MTHFD1L: variants seen among roughly 807,000 people sequenced by gnomAD.
MTHFD1L encodes the protein monofunctional C1-tetrahydrofolate synthase, mitochondrial.
In MTHFD1L, 81 loss-of-function variants were observed where a neutral mutation model predicts 119.5. The observed-to-expected ratio is 0.68, with a 90% CI of 0.57 to 0.82. MTHFD1L has a LOEUF of 0.82. Ranked by LOEUF, MTHFD1L falls within the 40% of genes least tolerant of loss-of-function variation. The pLI, the probability that MTHFD1L is intolerant of heterozygous loss-of-function variation, is 0.00. For synonymous variants in MTHFD1L, 430 were observed against 475.2 expected, an observed-to-expected ratio of 0.90 and a Z score of 1.24; for missense variants, 1,125 against 1,253.4, an observed-to-expected ratio of 0.90 and a Z score of 1.55.
intron 24 of MTHFD1L, among the ~76,000 whole-genome samples, chr6:151,018,318 G>T (rs1783444696): frequency 6.6e-6 from 1 of 152,174 alleles, no homozygotes; most frequent in Non-Finnish European, 1.5e-5. Flanking sequence ...TGAAGCAAGA[G>T]CTTAGCAGCG....
chr6:151,066,850 C>G (rs551137548), intron 26 of MTHFD1L, among the ~76,000 whole-genome samples: 81 of 152,234 alleles, frequency 5.3e-4, no homozygotes, highest in African/African-American at 1.9e-3. Flanking sequence ...AACTCCCAAC[C>G]TGGGTCCTGT....
At chr6:150,958,546 C>T (rs73017088) in intron 17 of MTHFD1L, among the ~76,000 whole-genome samples, 20,641 of 152,134 alleles carry the variant, frequency 0.14, 1,827 homozygotes, top group Middle Eastern at 0.28. Context: ...TTGCCAATAT[C>T]CCATATTGGC....
intron 26 of MTHFD1L, among the ~76,000 whole-genome samples, chr6:151,055,506 A>G (rs1024342970): frequency 2.0e-5 from 3 of 150,482 alleles, no homozygotes; most frequent in Non-Finnish European, 4.4e-5. Context: ...ATTATATACT[A>G]TGTTTGTGCT....
chr6:150,987,746 C>T (rs574947), intron 20 of MTHFD1L, among the ~76,000 whole-genome samples: 1,747 of 152,212 alleles, frequency 0.011, 18 homozygotes, highest in Non-Finnish European at 0.018. Context: ...ACAGGAAGTG[C>T]ACGTTTGTTA....
chr6:150,908,827 GT>G (rs35714005), intron 8 of MTHFD1L, among the ~76,000 whole-genome samples: 7,289 of 151,604 alleles, frequency 0.048, 605 homozygotes, highest in African/African-American at 0.17. Context: ...ATGGAGAAAG[GT>G]TTTTTTTCCC....
At chr6:150,980,574 G>A (rs1777317260) in intron 20 of MTHFD1L, among the ~76,000 whole-genome samples, 1 of 151,746 alleles carries the variant, frequency 6.6e-6, no homozygotes, top group Admixed American at 6.6e-5. Context: ...TAGTTTTTTT[G>A]TTTTTTTAAA....
chr6:150,885,656 A>C lies in MTHFD1L; in HGVS notation c.565A>C (p.Lys189Gln). The change falls in exon 6 of 28, where the codon AAG becomes CAG. Residue 189 changes from lysine (K) to glutamine (Q), a missense_variant. Physicochemically the swap from Lys to Gln is moderately conservative, Grantham distance 53 (BLOSUM62 1). Around this residue, in one of 3 missense-constraint regions of MTHFD1L, gnomAD observed 1,058 missense variants for 1,151.2 expected, o/e 0.92. Transcript: ENST00000367321. Reference sequence around the variant, plus strand: ...CAGAGTAACAGACATAAACCTGGGGAAGCTGGTGCGAGGGGATGCCCATGA... The same window carrying C: ...CAGAGTAACAGACATAAACCTGGGGCAGCTGGTGCGAGGGGATGCCCATGA... ...VDGVTDINLGKLVRGDAHECF... is the reference protein window; with the variant it reads ...VDGVTDINLGQLVRGDAHECF... The C allele has an allele frequency of 6.2e-7, 1 of 1,613,954 alleles. No individual in the cohort carries two copies. Among genetic ancestry groups the C allele is most frequent in the Non-Finnish European group, 8.5e-7 (1 of 1,179,914 alleles).
chr6:150,866,749 T>C (rs1427168860), intron 1 of MTHFD1L: 1 of 1,007,760 alleles, frequency 9.9e-7, no homozygotes. Context: ...GTTTGCAGGG[T>C]TTTCTGCGGG....
At chr6:151,038,411 AG>A (rs949688568) in intron 26 of MTHFD1L, among the ~76,000 whole-genome samples, 1 of 150,812 alleles carries the variant, frequency 6.6e-6, no homozygotes. Flanking sequence ...GAGTTGGATG[AG>A]GGGGGGTGGC....
chr6:150,915,709 G>A lies in MTHFD1L; in HGVS notation c.893-2868G>A, dbSNP rs576533430. ...TCTGGGTCCCGAGGTCAAGCAATTC[G>A]CTGGCCTCAGCCTCTGAGTAGGTGG... On this transcript the variant is annotated intron_variant, in intron 8 of 27. Transcript: ENST00000367321. Among the ~76,000 whole-genome samples, 9 of 152,074 alleles carry A rather than the reference G, an allele frequency of 5.9e-5. No individual in the cohort carries two copies. In the South Asian group the frequency reaches 1.2e-3, roughly 21 times the overall value.
intron 20 of MTHFD1L, among the ~76,000 whole-genome samples, chr6:150,974,822 C>A (rs532602509): frequency 6.6e-6 from 1 of 151,794 alleles, no homozygotes; most frequent in Non-Finnish European, 1.5e-5. Flanking sequence ...CTGCAACCTC[C>A]GCCTCCCAGG....
intron 24 of MTHFD1L, among the ~76,000 whole-genome samples, chr6:151,029,808 T>C (rs1376182843): frequency 1.3e-5 from 2 of 152,158 alleles, no homozygotes; most frequent in African/African-American, 4.8e-5. Flanking sequence ...AAAAATTTTT[T>C]TAAATAACAA....
chr6:150,943,845 C>T (rs1426844890), intron 13 of MTHFD1L, among the ~76,000 whole-genome samples: 4 of 152,124 alleles, frequency 2.6e-5, no homozygotes, highest in Non-Finnish European at 5.9e-5. Context: ...TACTCTATTT[C>T]TCCAAAGTTC....
chr6:150,957,589 G>A (rs1019117583), intron 17 of MTHFD1L, among the ~76,000 whole-genome samples: 1 of 152,102 alleles, frequency 6.6e-6, no homozygotes, highest in Non-Finnish European at 1.5e-5. Context: ...TATTTGCAGC[G>A]GTGAAAATTG....
chr6:151,045,352 C>G (rs1169664040), intron 26 of MTHFD1L, among the ~76,000 whole-genome samples: 1 of 152,192 alleles, frequency 6.6e-6, no homozygotes, highest in Non-Finnish European at 1.5e-5. Flanking sequence ...GCAGGTCCGC[C>G]AGGACCTCCG....
chr6:151,050,784 T>G (rs1434816110), intron 26 of MTHFD1L, among the ~76,000 whole-genome samples: 1 of 152,128 alleles, frequency 6.6e-6, no homozygotes, highest in Non-Finnish European at 1.5e-5. Context: ...ACTGTTGTGG[T>G]GCGACAGCAG....
intron 24 of MTHFD1L, among the ~76,000 whole-genome samples, chr6:151,028,095 C>T (rs2128517286): frequency 6.6e-6 from 1 of 152,242 alleles, no homozygotes; most frequent in Non-Finnish European, 1.5e-5. Flanking sequence ...GGGAAGCACA[C>T]AGCCCTGGGT....
In MTHFD1L at chr6:150,899,833, G is replaced by A. The variant is rs553816172; in HGVS notation, c.781-5817G>A. 2.8e-3 allele frequency among the ~76,000 whole-genome samples: 425 copies of A among 152,000 alleles called. 2 individuals carry two copies. The highest frequency in any genetic ancestry group is 1.0e-2 in the African/African-American group (413 of 41,506). On this transcript the variant is annotated intron_variant, in intron 7 of 27. Transcript: ENST00000367321. ...CTAAAAATACAAAAATTAGCTGGGT[G>A]TGGTGGCATGCGCCTGTAATCCTAG... is the stretch of plus-strand genomic sequence containing the variant.
rs965103105 is a variant in MTHFD1L at position 150,865,762 on chromosome 6, G to A, written c.-61G>A. 67 of 1,207,624 alleles carry A rather than the reference G, an allele frequency of 5.5e-5. No individual in the cohort carries two copies. In the African/African-American group the frequency reaches 1.1e-3, roughly 19 times the overall value. The allele number at this position is 1,207,624 out of a possible 1,614,324, so 74.8% of individuals were successfully genotyped here. On this transcript the variant is annotated 5_prime_UTR_variant, in exon 1 of 28. Coordinates refer to ENST00000367321, the MANE Select transcript of MTHFD1L (RefSeq NM_015440.5). ...CCGCCGCCGCCTGCTCCCCTGGCAC[G>A]CGCCCCGCCGCCCTCGGCAGCCGCA...
Sources: gnomAD v4.1 joint callset for allele counts (sites outside exome capture counted in the v4.1 genomes callset) on GRCh38, gnomAD v4.1.1 for gene constraint, gnomAD v4.1.1 regional missense constraint, MANE v1.5 for transcripts, NCBI Gene and HGNC (gene_info 2026-07-23, HGNC 2026-07-21) for gene names.